The following NDST1 variants were observed in gnomAD, a reference collection of about 807,000 sequenced individuals.
NDST1 encodes the protein N-deacetylase and N-sulfotransferase 1, also known as bifunctional heparan sulfate N-deacetylase/N-sulfotransferase 1.
Under a neutral mutation model 92.8 loss-of-function variants are expected in NDST1, and 35 were observed. That is an observed-to-expected ratio of 0.38 (90% CI 0.29 to 0.50). The LOEUF (loss-of-function observed/expected upper bound fraction) is 0.50. Among genes scored for constraint, NDST1 ranks in the 20% least tolerant of loss-of-function variants. The pLI, the probability that NDST1 is intolerant of heterozygous loss-of-function variation, is 0.94. For synonymous variants in NDST1, 493 were observed against 500.3 expected (o/e 0.99, Z 0.19); for missense variants, 822 against 1,182.7 (o/e 0.69, Z 4.47).
At position 150,541,582 on chromosome 5, in the gene NDST1, G is replaced by A. The variant is rs1755251668; in HGVS notation, c.1762G>A (p.Asp588Asn). Residue 588 changes from aspartate to asparagine, a missense_variant, in exon 9 of 15, where the codon GAC (aspartate) becomes AAC (asparagine). By Grantham distance (23) the Asp-to-Asn change is conservative (BLOSUM62 1). Coordinates refer to ENST00000261797, the MANE Select transcript of NDST1 (RefSeq NM_001543.5). ...ACTGTTGTTTTAGGACCCCTGCGAG[G>A]ACAAACGTCACAAAGACATCTGGTC... ...KDPLWQDPCEDKRHKDIWSKE... is the reference protein window; with the variant it reads ...KDPLWQDPCENKRHKDIWSKE... The A allele has an allele frequency of 6.2e-7, 1 of 1,614,074 alleles. No individual in the cohort carries two copies. The highest frequency in any genetic ancestry group is 1.7e-5 in the Admixed American group (1 of 60,000).
intron 13 of NDST1, 111 bp from the exon 14 acceptor site, chr5:150,551,642 G>A (rs1360779265): frequency 2.2e-6 from 3 of 1,362,778 alleles, no homozygotes; most frequent in African/African-American, 1.4e-5. Flanking sequence ...GTGGGTTCAA[G>A]AGCAGTAGAT....
intron 1 of NDST1, among the ~76,000 whole-genome samples, chr5:150,515,133 A>G (rs1000616635): frequency 6.6e-6 from 1 of 152,202 alleles, no homozygotes; most frequent in Non-Finnish European, 1.5e-5. Context: ...GCTGGGCAGG[A>G]AGCCAGATGA....
chr5:150,545,316 A>G lies in NDST1; in HGVS notation c.1975A>G (p.Met659Val), dbSNP rs1163965836. Residue 659 changes from methionine to valine, a missense_variant, in exon 11 of 15, where the codon ATG becomes GTG. Transcript: ENST00000261797. The stretch of plus-strand genomic sequence containing the variant: ...GCCTCTCTGGGCTTCCTGCAGGTAC[A>G]TGGAGTTCTTCCCCATCCCTTCCAA... Reference protein sequence around the residue: ...HNYHKGIDWYMEFFPIPSNTT... With the variant: ...HNYHKGIDWYVEFFPIPSNTT... The G allele has an allele frequency of 6.8e-6, 11 of 1,614,152 alleles. No homozygotes were observed. Among genetic ancestry groups the G allele is most frequent in the Non-Finnish European group, 8.5e-6 (10 of 1,180,016 alleles).
chr5:150,553,204 C>A lies in NDST1; in HGVS notation c.2530-9C>A. ...GTACACAAGGTCTGAGCTTTCCTTC[C>A]CGTTACAGTCCCGAGCCTTCCTGAA... On this transcript the variant is annotated splice_polypyrimidine_tract_variant and intron_variant, in intron 14 of 14. Coordinates refer to ENST00000261797, the MANE Select transcript of NDST1 (RefSeq NM_001543.5). The surrounding 1 kb of genome is among the most constrained non-coding windows in gnomAD (Gnocchi z 4.2). 1 of 1,612,044 alleles carries A rather than the reference C, an allele frequency of 6.2e-7. No individual in the cohort carries two copies. Among genetic ancestry groups the A allele is most frequent in the Non-Finnish European group, 8.5e-7 (1 of 1,178,618 alleles).
intron 10 of NDST1, among the ~76,000 whole-genome samples, chr5:150,543,961 G>A (rs1406033390): frequency 6.6e-6 from 1 of 152,156 alleles, no homozygotes; most frequent in Non-Finnish European, 1.5e-5. Flanking sequence ...TGTATTTTTA[G>A]TAGAGACGAG....
At chr5:150,529,840 G>T (rs1182035884) in intron 3 of NDST1, among the ~76,000 whole-genome samples, 2 of 152,226 alleles carry the variant, frequency 1.3e-5, no homozygotes, top group African/African-American at 2.4e-5. Context: ...GTAGGGGTTG[G>T]CCCTGGGGCC....
intron 1 of NDST1, among the ~76,000 whole-genome samples, chr5:150,514,238 A>T (rs1753854727): frequency 6.6e-6 from 1 of 152,252 alleles, no homozygotes; most frequent in South Asian, 2.1e-4. Flanking sequence ...GTAAATGTGG[A>T]TAACAATATT....
At chr5:150,504,477 G>T (rs192322556), upstream of NDST1, among the ~76,000 whole-genome samples, 51 of 152,230 alleles carry the variant, frequency 3.4e-4, no homozygotes, top group African/African-American at 1.2e-3. Flanking sequence ...CTCCCTAAGA[G>T]CTTTGTTTGT....
chr5:150,535,859 C>T lies in NDST1; in HGVS notation c.1411C>T (p.Arg471Cys), dbSNP rs182500942. The T allele has an allele frequency of 1.4e-5, 23 of 1,613,804 alleles. No homozygotes were observed. The highest frequency in any genetic ancestry group is 2.2e-5 in the East Asian group (1 of 44,858). ...YPHLKPARYRRGFIHNGIMVL... is the reference protein window; with the variant it reads ...YPHLKPARYRCGFIHNGIMVL... ...CCACCTGAAGCCAGCCCGCTACCGC[C>T]GTGGCTTCATCCACAATGGCATCAT... The change falls in exon 6 of 15, where the codon CGT (arginine) becomes TGT (cysteine). Residue 471 changes from arginine (R) to cysteine (C), a missense_variant. Physicochemically the swap from Arg to Cys is radical, Grantham distance 180 (BLOSUM62 -3). Transcript: ENST00000261797.
At chr5:150,498,832 C>T (rs933506375) in intron 1 of NDST1, among the ~76,000 whole-genome samples, 16 of 152,196 alleles carry the variant, frequency 1.1e-4, no homozygotes, top group African/African-American at 3.9e-4. Context: ...CTGGGGACAG[C>T]ACTAAACTGA....
chr5:150,517,173 A>G (rs911002037), intron 1 of NDST1, among the ~76,000 whole-genome samples: 1 of 151,722 alleles, frequency 6.6e-6, no homozygotes, highest in Non-Finnish European at 1.5e-5. Flanking sequence ...TTTTTTTGAG[A>G]TGGGGTCTCG....
At chr5:150,532,895 G>T (rs755946953) in intron 3 of NDST1, 50 bp from the exon 4 acceptor site, 1 of 1,534,616 alleles carries the variant, frequency 6.5e-7, no homozygotes, top group East Asian at 2.3e-5. Context: ...GGAAAAGCAG[G>T]GAGCTCCTGG....
At chr5:150,510,783 T>G (rs1753686282) in intron 1 of NDST1, among the ~76,000 whole-genome samples, 1 of 152,232 alleles carries the variant, frequency 6.6e-6, no homozygotes, top group Non-Finnish European at 1.5e-5. Flanking sequence ...CTTAATGCTT[T>G]GTTTCCTTGT....
chr5:150,503,752 G>A (rs1050245212), upstream of NDST1, among the ~76,000 whole-genome samples: 6 of 152,146 alleles, frequency 3.9e-5, no homozygotes, highest in African/African-American at 1.4e-4. Flanking sequence ...CCTAGCCAAG[G>A]GTCTTCATTG....
intron 10 of NDST1, among the ~76,000 whole-genome samples, chr5:150,545,010 T>C (rs1296875805): frequency 6.6e-6 from 1 of 151,750 alleles, no homozygotes; most frequent in Admixed American, 6.6e-5. Flanking sequence ...GATCCTAGAG[T>C]TTAGGATTGA....
At chr5:150,539,764 T>G in intron 7 of NDST1, 1 of 985,394 alleles carries the variant, frequency 1.0e-6, no homozygotes, top group Non-Finnish European at 1.2e-6. Flanking sequence ...AAGTGGTGGT[T>G]GTTATTCAGC....
At chr5:150,550,828 T>G (rs1479709141) in intron 13 of NDST1, 1 of 152,262 alleles carries the variant, frequency 6.6e-6, no homozygotes, top group African/African-American at 2.4e-5. Flanking sequence ...AGCCTCGCTT[T>G]CCTCATCTGT....
At position 150,541,537 on chromosome 5, in the gene NDST1, G is replaced by A. The variant is rs146161932; in HGVS notation, c.1750-33G>A. On this transcript the variant is annotated intron_variant, in intron 8 of 14. Transcript: ENST00000261797. ...GGGAGTCCACTGACTGGGTTCTGGG[G>A]CGCCCCACACATCCCTTCCACTGTT... 4,316 of 1,602,326 alleles carry A rather than the reference G, an allele frequency of 2.7e-3. 25 individuals carry two copies. The highest frequency in any genetic ancestry group is 7.6e-3 in the Middle Eastern group (46 of 6,036).
rs781107915 is a variant in NDST1 at position 150,528,182 on chromosome 5, G to A, written c.892G>A (p.Val298Met). Residue 298 changes from valine to methionine, a missense_variant, in exon 3 of 15, where the codon GTG becomes ATG. Transcript: ENST00000261797. ...WLHKLVFVDA[V>M]AFLTGKRLSL... Reference sequence around the variant, plus strand: ...GCACAAGCTTGTCTTCGTGGATGCCGTGGCCTTCCTCACGGGGAAGCGCCT... The same window carrying A: ...GCACAAGCTTGTCTTCGTGGATGCCATGGCCTTCCTCACGGGGAAGCGCCT... The A allele has an allele frequency of 4.3e-6, 7 of 1,614,106 alleles. No individual in the cohort carries two copies. Among genetic ancestry groups the A allele is most frequent in the South Asian group, 3.3e-5 (3 of 91,092 alleles).
Sources: gnomAD v4.1 joint callset for allele counts (sites outside exome capture counted in the v4.1 genomes callset) on GRCh38, gnomAD v4.1.1 for gene constraint, Gnocchi (gnomAD v3.1) non-coding constraint, MANE v1.5 for transcripts, NCBI Gene and HGNC (gene_info 2026-07-23, HGNC 2026-07-21) for gene names.